TBC1D30: variants seen among roughly 807,000 people sequenced by gnomAD.
TBC1D30 encodes the protein TBC1 domain family member 30, also known as TBC1 domain family, member 30.
Under a neutral mutation model 63.2 loss-of-function variants are expected in TBC1D30, and 31 were observed. That is an observed-to-expected ratio of 0.49 (90% CI 0.37 to 0.66). The LOEUF is 0.66. Among genes scored for constraint, TBC1D30 ranks in the 30% least tolerant of loss-of-function variants. TBC1D30 has a pLI of 0.00. For missense variants in TBC1D30, 810 were observed against 953.6 expected (o/e 0.85, Z 1.98); for synonymous variants, 307 against 361.5 (o/e 0.85, Z 1.71).
intron 11 of TBC1D30, 111 bp from the exon 12 acceptor site, chr12:64,874,890 T>C: frequency 9.9e-7 from 1 of 1,007,626 alleles, no homozygotes; most frequent in South Asian, 1.7e-5. Context: ...GGGGAACACA[T>C]GGGAAGGGAT....
In TBC1D30 at chr12:64,830,442, C is replaced by A. The variant is rs1456191311; in HGVS notation, c.348C>A (p.Arg116=). The part of the protein sequence containing the change: ...SIAIDWDKTM[R]FTFNERSNPD... ...CCATTGACTGGGACAAAACCATGCG[C>A]TTCACTTTCAATGAAAGGAGTAATC... The change falls in exon 4 of 12, where the codon CGC becomes CGA. Residue 116 remains arginine (R), a synonymous_variant. Coordinates refer to ENST00000539867, the MANE Select transcript of TBC1D30 (RefSeq NM_015279.2). The A allele has an allele frequency of 1.6e-5, 25 of 1,535,538 alleles. No homozygotes were observed. Among genetic ancestry groups the A allele is most frequent in the East Asian group, 2.4e-5 (1 of 40,902 alleles).
intron 8 of TBC1D30, among the ~76,000 whole-genome samples, chr12:64,848,485 T>C (rs563117460): frequency 9.2e-5 from 14 of 152,276 alleles, no homozygotes; most frequent in African/African-American, 3.4e-4. Flanking sequence ...CCATGTGTTC[T>C]CATTGTTCAG....
At chr12:64,838,963 T>A (rs1230251167) in intron 7 of TBC1D30, 112 bp downstream of exon 7, 3 of 1,083,680 alleles carry the variant, frequency 2.8e-6, no homozygotes, top group Middle Eastern at 2.2e-4. Flanking sequence ...TGTGAACTTT[T>A]AAAATTGCTT....
At position 64,825,207 on chromosome 12, in the gene TBC1D30, G is replaced by A. The variant is rs1722378266; in HGVS notation, c.154+174G>A. Among the ~76,000 whole-genome samples the A allele has an allele frequency of 2.0e-5, 3 of 152,244 alleles. 1 individual carries two copies. Among genetic ancestry groups the A allele is most frequent in the Admixed American group, 2.0e-4 (3 of 15,292 alleles). On this transcript the variant is annotated intron_variant, in intron 1 of 11. Coordinates refer to ENST00000539867, the MANE Select transcript of TBC1D30 (RefSeq NM_015279.2). ...GGAGCGATTGGTCTGGAAGGGTAGA[G>A]GGCAGACGGGGGCCTGGGTGGGGCA...
In TBC1D30 at chr12:64,836,415, CT is replaced by C. The variant is rs1875356442; in HGVS notation, c.595-73del. On this transcript the variant is annotated intron_variant, in intron 5 of 11. Coordinates refer to ENST00000539867, the MANE Select transcript of TBC1D30 (RefSeq NM_015279.2). ...TAACAGCGTTTTATCTATTTGAATACTTATTTTCTCTTTAGGACGTGTTGGG... is the reference window on the plus strand; with the variant it reads ...TAACAGCGTTTTATCTATTTGAATACTATTTTCTCTTTAGGACGTGTTGGG... 4 of 1,210,966 alleles carry C rather than the reference CT, an allele frequency of 3.3e-6. No homozygotes were observed. The South Asian group carries it at 5.9e-5, about 18-fold the overall frequency. 75.0% of individuals were successfully genotyped at this position (1,210,966 alleles called of 1,614,324 possible).
intron 2 of TBC1D30, among the ~76,000 whole-genome samples, chr12:64,797,328 C>T (rs1203506586): frequency 6.6e-6 from 1 of 152,230 alleles, no homozygotes; most frequent in Non-Finnish European, 1.5e-5. Flanking sequence ...CATATTTGAC[C>T]TAGCAGTGAT....
At chr12:64,841,293 G>C (rs1875847428) in intron 7 of TBC1D30, among the ~76,000 whole-genome samples, 1 of 152,152 alleles carries the variant, frequency 6.6e-6, no homozygotes, top group Non-Finnish European at 1.5e-5. Context: ...CACCCCAAGG[G>C]TACTTGGGAA....
At chr12:64,817,127 C>T (rs1031256471) in intron 2 of TBC1D30, among the ~76,000 whole-genome samples, 9 of 152,140 alleles carry the variant, frequency 5.9e-5, no homozygotes, top group Non-Finnish European at 1.0e-4. Flanking sequence ...GAGGAGTATG[C>T]GGCGAAGACC....
chr12:64,770,708 C>T (rs573082187), intron 1 of TBC1D30, among the ~76,000 whole-genome samples: 2 of 144,034 alleles, frequency 1.4e-5, no homozygotes, highest in Non-Finnish European at 3.1e-5. Flanking sequence ...CCTTTTTCTT[C>T]TTTTTTTTTT....
intron 4 of TBC1D30, among the ~76,000 whole-genome samples, chr12:64,831,135 TG>T (rs530489874): frequency 2.1e-3 from 327 of 152,340 alleles, no homozygotes; most frequent in African/African-American, 7.1e-3. Context: ...GATACTCAGC[TG>T]GGGTTTTAAA....
rs1246958491 is a variant in TBC1D30, at chr12:64,836,534, C to A, written c.639C>A (p.Phe213Leu). 2 of 1,535,704 alleles carry A rather than the reference C, an allele frequency of 1.3e-6. No homozygotes were observed. Among genetic ancestry groups the A allele is most frequent in the Non-Finnish European group, 1.7e-6 (2 of 1,146,804 alleles). Residue 213 changes from phenylalanine (F) to leucine (L), a missense_variant, in exon 6 of 12, where the codon TTC becomes TTA. Phe to Leu is a conservative substitution (Grantham distance 22). This residue lies in a region of TBC1D30 where 272 missense variants were observed against 335.9 expected (regional missense o/e 0.81). Coordinates refer to ENST00000539867, the MANE Select transcript of TBC1D30 (RefSeq NM_015279.2). ...ATAAGGTACTTCCCGAAAGCTATTTCGTCAATAATCTCCGGGCATTGTCTG... is the reference window on the plus strand; with the variant it reads ...ATAAGGTACTTCCCGAAAGCTATTTAGTCAATAATCTCCGGGCATTGTCTG... ...LIDKVLPESY[F>L]VNNLRALSVD... is the part of the protein sequence containing the mutation.
chr12:64,837,668 A>G (rs1242741241), intron 6 of TBC1D30, among the ~76,000 whole-genome samples: 1 of 152,176 alleles, frequency 6.6e-6, no homozygotes, highest in Non-Finnish European at 1.5e-5. Flanking sequence ...CTAGCAGGCC[A>G]CGGACCCAGA....
intron 1 of TBC1D30, among the ~76,000 whole-genome samples, chr12:64,825,929 C>A (rs1874299879): frequency 6.6e-6 from 1 of 152,186 alleles, no homozygotes; most frequent in South Asian, 2.1e-4. Context: ...GCTGTAGAGC[C>A]GCAGGAGAAT....
intron 8 of TBC1D30, among the ~76,000 whole-genome samples, chr12:64,856,252 G>A (rs1877289867): frequency 6.6e-6 from 1 of 152,216 alleles, no homozygotes. Context: ...CCAAGGGAAT[G>A]GCTCAAGCCA....
intron 8 of TBC1D30, among the ~76,000 whole-genome samples, chr12:64,861,974 G>A (rs1023877247): frequency 3.9e-5 from 6 of 152,254 alleles, no homozygotes; most frequent in African/African-American, 7.2e-5. Flanking sequence ...AATTGAAACC[G>A]TCTGTCCTGC....
intron 2 of TBC1D30, among the ~76,000 whole-genome samples, chr12:64,802,647 G>A (rs1021681119): frequency 3.3e-5 from 5 of 151,262 alleles, no homozygotes; most frequent in African/African-American, 7.3e-5. Context: ...TCCCTCCCCC[G>A]TCCCCCACCG....
At chr12:64,814,665 G>T (rs1873418362) in intron 2 of TBC1D30, among the ~76,000 whole-genome samples, 1 of 152,136 alleles carries the variant, frequency 6.6e-6, no homozygotes, top group Non-Finnish European at 1.5e-5. Context: ...TGTAAGCACG[G>T]ACTAAAGACA....
chr12:64,760,901 G>T (rs1030826504), intron 1 of TBC1D30, among the ~76,000 whole-genome samples: 5 of 151,588 alleles, frequency 3.3e-5, no homozygotes, highest in Non-Finnish European at 7.4e-5. Flanking sequence ...TCCTAACAAG[G>T]TTTGAGGTAG....
intron 1 of TBC1D30, among the ~76,000 whole-genome samples, chr12:64,781,691 CT>C (rs34191075): frequency 4.5e-4 from 66 of 145,072 alleles, no homozygotes; most frequent in Admixed American, 5.5e-4. Flanking sequence ...CTGTTCTTTC[CT>C]TTTTTTTTTT....
Sources: allele counts gnomAD v4.1 joint callset (sites outside exome capture counted in the v4.1 genomes callset), GRCh38; gene constraint gnomAD v4.1.1; regional missense constraint gnomAD v4.1.1; transcripts MANE v1.5; gene names NCBI Gene and HGNC (gene_info 2026-07-23, HGNC 2026-07-21).